The following EPHB1 variants were observed in gnomAD, a reference collection of about 807,000 sequenced individuals.
The protein encoded by EPHB1 is ephrin type-B receptor 1.
Under a neutral mutation model 94.4 loss-of-function variants are expected in EPHB1, and 30 were observed. That is an observed-to-expected ratio of 0.32 (90% CI 0.24 to 0.43). The LOEUF (loss-of-function observed/expected upper bound fraction) is 0.43, where lower values mean the gene tolerates loss of function less well. Among genes scored for constraint, EPHB1 ranks in the 20% least tolerant of loss-of-function variants. EPHB1 has a pLI of 1.00. For synonymous variants in EPHB1, 522 were observed against 489.1 expected (o/e 1.07, Z -0.89); for missense variants, 1,055 against 1,308.3 (o/e 0.81, Z 2.99).
chr3:135,230,897 T>C (rs567881742), intron 12 of EPHB1, among the ~76,000 whole-genome samples: 5 of 152,370 alleles, frequency 3.3e-5, no homozygotes, highest in African/African-American at 1.2e-4. Context: ...AAGGACATCA[T>C]TTCTTTCTTT....
At chr3:135,027,257 T>G (rs1411124437) in intron 3 of EPHB1, among the ~76,000 whole-genome samples, 1 of 152,110 alleles carries the variant, frequency 6.6e-6, no homozygotes, top group African/African-American at 2.4e-5. Flanking sequence ...CTATGTTGAA[T>G]AGGAGTGGTG....
intron 15 of EPHB1, among the ~76,000 whole-genome samples, chr3:135,257,631 C>T (rs1389320742): frequency 6.6e-6 from 1 of 151,552 alleles, no homozygotes; most frequent in Non-Finnish European, 1.5e-5. Flanking sequence ...AGCTGTCAGA[C>T]AGGGACATTT....
intron 1 of EPHB1, among the ~76,000 whole-genome samples, chr3:134,893,961 A>G (rs1022782060): frequency 6.6e-6 from 1 of 152,246 alleles, no homozygotes; most frequent in African/African-American, 2.4e-5. Context: ...GCCAAAGACA[A>G]CAGTATCTTT....
At chr3:134,927,667 A>G (rs1011361959) in intron 2 of EPHB1, among the ~76,000 whole-genome samples, 28 of 152,122 alleles carry the variant, frequency 1.8e-4, no homozygotes, top group African/African-American at 6.3e-4. Flanking sequence ...TTTTCTTTAT[A>G]CTTCTGATAT....
At chr3:134,912,559 T>C (rs776300742) in intron 1 of EPHB1, among the ~76,000 whole-genome samples, 14 of 152,208 alleles carry the variant, frequency 9.2e-5, no homozygotes, top group Non-Finnish European at 1.0e-4. Context: ...TGCTGCTGGA[T>C]TGGCAGAAGG....
intron 3 of EPHB1, among the ~76,000 whole-genome samples, chr3:134,990,971 C>T (rs376826767): frequency 3.9e-4 from 59 of 152,026 alleles, no homozygotes; most frequent in African/African-American, 9.4e-4. Context: ...TAAATCCTTA[C>T]GGATAACTTT....
intron 3 of EPHB1, among the ~76,000 whole-genome samples, chr3:134,973,352 G>C (rs946676539): frequency 1.3e-5 from 2 of 151,034 alleles, no homozygotes; most frequent in African/African-American, 4.9e-5. Flanking sequence ...AGATGCCCCT[G>C]CTTCTTTAAC....
chr3:135,087,083 G>A (rs1938386385), intron 3 of EPHB1, among the ~76,000 whole-genome samples: 1 of 152,166 alleles, frequency 6.6e-6, no homozygotes, highest in African/African-American at 2.4e-5. Flanking sequence ...GGTTGTTGGG[G>A]GAATGTGTCA....
chr3:135,231,159 G>T (rs987915169), intron 12 of EPHB1, among the ~76,000 whole-genome samples: 2 of 152,186 alleles, frequency 1.3e-5, no homozygotes, highest in African/African-American at 4.8e-5. Flanking sequence ...GGGCCTGCTT[G>T]TCAAATGAAT....
At chr3:135,055,497 T>C (rs780622140) in intron 3 of EPHB1, among the ~76,000 whole-genome samples, 10 of 152,214 alleles carry the variant, frequency 6.6e-5, no homozygotes, top group Non-Finnish European at 1.0e-4. Flanking sequence ...ATAAGGTGGT[T>C]GGCCCTTGTC....
rs189225910 is a variant in EPHB1, at chr3:134,844,368, C to T, written c.58+48679C>T. On this transcript the variant is annotated intron_variant, in intron 1 of 15. Coordinates refer to ENST00000398015, the MANE Select transcript of EPHB1 (RefSeq NM_004441.5). ...TTGGCTTTCCAGTGGGATCTTCCAC[C>T]TGTTCTATAAGCAAGCGTAGCCTTA... 4.6e-5 allele frequency among the ~76,000 whole-genome samples: 7 copies of T among 152,264 alleles called. No homozygotes were observed. In the East Asian group the frequency reaches 1.4e-3, roughly 29 times the overall value.
chr3:135,252,059 ATTAG>A (rs1253629183), intron 15 of EPHB1, among the ~76,000 whole-genome samples: 1 of 151,938 alleles, frequency 6.6e-6, no homozygotes, highest in Non-Finnish European at 1.5e-5. Context: ...TGCCCATCTC[ATTAG>A]TGTTTGTGAT....
intron 3 of EPHB1, among the ~76,000 whole-genome samples, chr3:135,086,059 T>C (rs1938349633): frequency 6.6e-6 from 1 of 152,122 alleles, no homozygotes; most frequent in Non-Finnish European, 1.5e-5. Context: ...AGCTTCCTAC[T>C]AACTCCCTTT....
intron 1 of EPHB1, among the ~76,000 whole-genome samples, chr3:134,888,962 T>C (rs9814028): frequency 0.23 from 34,997 of 151,966 alleles, 4,849 homozygotes; most frequent in Non-Finnish European, 0.32. Flanking sequence ...CAGATTCCAG[T>C]AGCAGAGGGA....
chr3:134,853,845 G>A (rs976257297), intron 1 of EPHB1, among the ~76,000 whole-genome samples: 1 of 152,166 alleles, frequency 6.6e-6, no homozygotes, highest in Non-Finnish European at 1.5e-5. Context: ...AGAGACAGGG[G>A]TTCCATATAG....
intron 15 of EPHB1, among the ~76,000 whole-genome samples, chr3:135,256,561 A>G (rs1382410551): frequency 4.6e-5 from 7 of 152,218 alleles, no homozygotes; most frequent in South Asian, 2.1e-4. Flanking sequence ...CTCTCTTCTG[A>G]CTTGTAGGGT....
At chr3:134,844,279 T>A (rs1471841114) in intron 1 of EPHB1, among the ~76,000 whole-genome samples, 1 of 152,228 alleles carries the variant, frequency 6.6e-6, no homozygotes. Flanking sequence ...TCTCTGCCAT[T>A]GGATCTGTGT....
At chr3:135,185,809 TG>T (rs1326023631) in intron 10 of EPHB1, among the ~76,000 whole-genome samples, 1 of 152,218 alleles carries the variant, frequency 6.6e-6, no homozygotes, top group Admixed American at 6.5e-5. Context: ...GATGGCATTT[TG>T]GAATACCCAT....
intron 1 of EPHB1, among the ~76,000 whole-genome samples, chr3:134,917,244 G>A (rs967531991): frequency 6.6e-5 from 10 of 152,184 alleles, no homozygotes; most frequent in African/African-American, 1.9e-4. Context: ...AGAGGAGAAC[G>A]ACCATCAAAA....
Sources: allele counts gnomAD v4.1 joint callset (sites outside exome capture counted in the v4.1 genomes callset), GRCh38; gene constraint gnomAD v4.1.1; transcripts MANE v1.5; gene names NCBI Gene and HGNC (gene_info 2026-07-23, HGNC 2026-07-21).